Variants in SETBP1 observed in about 807,000 individuals in gnomAD.
SETBP1 encodes SET binding protein 1.
SETBP1 carries 9 observed loss-of-function variants against 101.0 expected under a neutral mutation model. The observed-to-expected ratio is 0.09, with a 90% CI of 0.05 to 0.16. The LOEUF (loss-of-function observed/expected upper bound fraction) is 0.16, where lower values mean the gene tolerates loss of function less well. SETBP1 is among the 10% of genes least tolerant of loss of function. The pLI is 1.00. For missense variants in SETBP1, 1,858 were observed against 2,033.8 expected (o/e 0.91, Z 1.66); for synonymous variants, 818 against 788.5 (o/e 1.04, Z -0.63).
intron 3 of SETBP1, among the ~76,000 whole-genome samples, chr18:44,919,560 G>A (rs2070527993): frequency 6.6e-6 from 1 of 151,966 alleles, no homozygotes; most frequent in Non-Finnish European, 1.5e-5. Flanking sequence ...ATGTTGGCCA[G>A]GATGATCTCG....
chr18:44,925,035 T>C (rs1047763391), intron 3 of SETBP1, among the ~76,000 whole-genome samples: 12 of 126,714 alleles, frequency 9.5e-5, no homozygotes, highest in South Asian at 8.0e-4. Context: ...TTTTTTTTTT[T>C]CACGAGAATG....
intron 3 of SETBP1, among the ~76,000 whole-genome samples, chr18:44,928,038 G>T (rs894821596): frequency 6.6e-6 from 1 of 151,058 alleles, no homozygotes; most frequent in South Asian, 2.1e-4. Context: ...CCATTAACTC[G>T]TCATTTACAT....
intron 2 of SETBP1, among the ~76,000 whole-genome samples, chr18:44,848,144 A>C (rs981598856): frequency 6.6e-6 from 1 of 151,948 alleles, no homozygotes; most frequent in Non-Finnish European, 1.5e-5. Flanking sequence ...AGTGCAAGTA[A>C]CTAGGATTGT....
intron 1 of SETBP1, among the ~76,000 whole-genome samples, chr18:44,694,569 C>T (rs1380681464): frequency 6.6e-6 from 1 of 152,214 alleles, no homozygotes; most frequent in Non-Finnish European, 1.5e-5. Context: ...GAGAGATACA[C>T]ACAGTGGGCT....
At chr18:44,819,422 G>A (rs560757185) in intron 2 of SETBP1, among the ~76,000 whole-genome samples, 1 of 152,302 alleles carries the variant, frequency 6.6e-6, no homozygotes, top group Non-Finnish European at 1.5e-5. Context: ...GGCTTACTGT[G>A]TATGTTTCCT....
At chr18:44,736,017 A>G (rs1289139179) in intron 2 of SETBP1, among the ~76,000 whole-genome samples, 1 of 152,212 alleles carries the variant, frequency 6.6e-6, no homozygotes, top group African/African-American at 2.4e-5. Context: ...AGAATCATGA[A>G]GAACATTTTT....
At chr18:44,802,817 C>T (rs568667231) in intron 2 of SETBP1, among the ~76,000 whole-genome samples, 4 of 152,222 alleles carry the variant, frequency 2.6e-5, no homozygotes, top group Admixed American at 1.3e-4. Flanking sequence ...TTAGTAATAG[C>T]AGGTCTTCAT....
At chr18:44,839,473 C>G (rs1025388852) in intron 2 of SETBP1, among the ~76,000 whole-genome samples, 1 of 136,998 alleles carries the variant, frequency 7.3e-6, no homozygotes, top group Non-Finnish European at 1.5e-5. Context: ...TGAGCATCTC[C>G]GGACTCTCAG....
intron 2 of SETBP1, among the ~76,000 whole-genome samples, chr18:44,772,678 T>G (rs1183456891): frequency 6.6e-6 from 1 of 152,226 alleles, no homozygotes; most frequent in Non-Finnish European, 1.5e-5. Context: ...TGAACTGGTT[T>G]GAATCCAGCT....
chr18:44,779,021 CA>C (rs2071067930), intron 2 of SETBP1, among the ~76,000 whole-genome samples: 1 of 152,230 alleles, frequency 6.6e-6, no homozygotes, highest in African/African-American at 2.4e-5. Flanking sequence ...ATGGTTGGAG[CA>C]GCCTCTGGCC....
In SETBP1 at chr18:45,063,978, C is replaced by A; in HGVS notation, c.*280C>A. ...GGATCCTCCGCAGGCGAGCGGAAGG[C>A]CCCCAGGAGGAGCAGGCTGGTGGCA... On this transcript the variant is annotated 3_prime_UTR_variant, in exon 6 of 6. Transcript: ENST00000649279. 4 of 343,584 alleles carry A rather than the reference C, an allele frequency of 1.2e-5. No individual in the cohort carries two copies. The highest frequency in any genetic ancestry group is 5.4e-6 in the Non-Finnish European group (1 of 184,872). The allele number at this position is 343,584 out of a possible 1,614,324, so 21.3% of individuals were successfully genotyped here. A position where few individuals can be genotyped will look rare whatever the true frequency, so the allele number is the denominator to read the frequency against.
chr18:45,031,351 G>T (rs1376710382), intron 4 of SETBP1, among the ~76,000 whole-genome samples: 2 of 152,124 alleles, frequency 1.3e-5, no homozygotes, highest in African/African-American at 4.8e-5. Context: ...GATGTGGACA[G>T]CTTTGGAGGG....
Position 44,952,612 on chromosome 18 carries a change from C to T in SETBP1, c.3272C>T (p.Pro1091Leu), listed in dbSNP as rs1258718793. The stretch of plus-strand genomic sequence containing the variant: ...TCCCCATTCATGAGGCCAACAGTGC[C>T]ACCACCTCAGTTCCACACAAACTCC... ...AASPFMRPTV[P>L]PPQFHTNSHV... Residue 1091 changes from proline to leucine, a missense_variant, in exon 4 of 6, where the codon CCA becomes CTA. Transcript: ENST00000649279. 1.2e-6 allele frequency: 2 copies of T among 1,613,588 alleles called. No homozygotes were observed. Among genetic ancestry groups the T allele is most frequent in the East Asian group, 4.5e-5 (2 of 44,854 alleles).
intron 5 of SETBP1, among the ~76,000 whole-genome samples, chr18:45,055,658 G>A (rs190200131): frequency 2.2e-4 from 34 of 152,094 alleles, no homozygotes; most frequent in African/African-American, 7.5e-4. Flanking sequence ...TCACATACAC[G>A]TAGATTCAAA....
rs768195901 is a variant in SETBP1, at chr18:44,701,773, C to G, written c.427C>G (p.Arg143Gly). The G allele has an allele frequency of 9.3e-6, 15 of 1,611,220 alleles. No homozygotes were observed. The highest frequency in any genetic ancestry group is 1.3e-5 in the Non-Finnish European group (15 of 1,178,696). ...IKQSGDQKVS[R>G]AGKNSKATKE... ...GCAGTCTGGGGACCAGAAGGTGTCC[C>G]GTGCTGGAAAAAATAGCAAAGCCAC... The change falls in exon 2 of 6, where the codon CGT becomes GGT. Residue 143 changes from arginine (R) to glycine (G), a missense_variant. Transcript: ENST00000649279.
At chr18:44,711,461 C>A (rs2144270029) in intron 2 of SETBP1, among the ~76,000 whole-genome samples, 1 of 140,006 alleles carries the variant, frequency 7.1e-6, no homozygotes, top group Non-Finnish European at 1.5e-5. Context: ...TCTTCCTCTC[C>A]TTCCTTCCTT....
chr18:44,883,818 A>G (rs2069582870), intron 3 of SETBP1, among the ~76,000 whole-genome samples: 1 of 152,198 alleles, frequency 6.6e-6, no homozygotes, highest in Admixed American at 6.5e-5. Flanking sequence ...GAAATTGCAG[A>G]ACTGGGTTTA....
chr18:44,871,750 G>T (rs748116119), intron 3 of SETBP1: 10 of 152,096 alleles, frequency 6.6e-5, no homozygotes, highest in African/African-American at 2.4e-4. Flanking sequence ...CTAAAAATGC[G>T]ATGTTCATTC....
intron 3 of SETBP1, among the ~76,000 whole-genome samples, chr18:44,895,918 T>C (rs2069892130): frequency 6.6e-6 from 1 of 152,164 alleles, no homozygotes; most frequent in Admixed American, 6.6e-5. Flanking sequence ...GGGGATTTGA[T>C]GTAACAGTGA....
Sources: gnomAD v4.1 joint callset for allele counts (sites outside exome capture counted in the v4.1 genomes callset) on GRCh38, gnomAD v4.1.1 for gene constraint, MANE v1.5 for transcripts, NCBI Gene and HGNC (gene_info 2026-07-23, HGNC 2026-07-21) for gene names.